Variants in LHFPL3 observed in about 807,000 individuals in gnomAD.
The protein encoded by LHFPL3 is LHFPL tetraspan subfamily member 3.
In LHFPL3, 5 loss-of-function variants were observed where a neutral mutation model predicts 19.3. The observed-to-expected ratio is 0.26, with a 90% CI of 0.14 to 0.54. The LOEUF is 0.54. LHFPL3 is among the 20% of genes least tolerant of loss of function. The pLI, the probability that LHFPL3 is intolerant of heterozygous loss-of-function variation, is 0.94. For synonymous variants in LHFPL3, 133 were observed against 126.2 expected (o/e 1.05, Z -0.36); for missense variants, 249 against 307.4 (o/e 0.81, Z 1.42).
At chr7:104,433,629 C>G (rs181212858) in intron 1 of LHFPL3, among the ~76,000 whole-genome samples, 2 of 152,262 alleles carry the variant, frequency 1.3e-5, no homozygotes, top group Admixed American at 1.3e-4. Context: ...TTGCCTTTTC[C>G]TTTCTTCTCT....
intron 1 of LHFPL3, among the ~76,000 whole-genome samples, chr7:104,519,696 T>C (rs1562923635): frequency 6.6e-6 from 1 of 152,158 alleles, no homozygotes. Flanking sequence ...GACCAGGTCA[T>C]GGCGTTAATG....
chr7:104,844,612 C>T (rs1791278791), intron 2 of LHFPL3, among the ~76,000 whole-genome samples: 1 of 152,122 alleles, frequency 6.6e-6, no homozygotes. Context: ...TTTTCCTCTC[C>T]TTTGGGTGGT....
rs374171615 is a variant in LHFPL3, at chr7:104,609,226, C to A, written c.446-127449C>A. Among the ~76,000 whole-genome samples, 33 of 151,460 alleles carry A rather than the reference C, an allele frequency of 2.2e-4. No individual in the cohort carries two copies. In the East Asian group the frequency reaches 3.7e-3, roughly 17 times the overall value. On this transcript the variant is annotated intron_variant, in intron 1 of 2. Transcript: ENST00000424859. The stretch of plus-strand genomic sequence containing the variant: ...GTTGTAGTGAGCTGAGACCGTGCCA[C>A]TACACTCCAGCCCAGGTGACAGAGC...
At chr7:104,900,496 C>T (rs956663362) in intron 2 of LHFPL3, among the ~76,000 whole-genome samples, 3 of 152,274 alleles carry the variant, frequency 2.0e-5, no homozygotes, top group East Asian at 1.9e-4. Flanking sequence ...CCCTTCTCAC[C>T]GAAGATCTGC....
rs118141590 is a variant in LHFPL3, at chr7:104,387,940, C to T, written c.445+58716C>T. Among the ~76,000 whole-genome samples, 434 of 152,298 alleles carry T rather than the reference C, an allele frequency of 2.8e-3. 14 individuals carry two copies. In the East Asian group the frequency reaches 0.076, roughly 27 times the overall value. On this transcript the variant is annotated intron_variant, in intron 1 of 2. Transcript: ENST00000424859. ...GTAGTTTTTCTATCCTCCTCCTCCTCCCACCTTCCACCCTCAAGTAGGCCC... is the reference window on the plus strand; with the variant it reads ...GTAGTTTTTCTATCCTCCTCCTCCTTCCACCTTCCACCCTCAAGTAGGCCC...
At chr7:104,830,727 T>A (rs1430205139) in intron 2 of LHFPL3, among the ~76,000 whole-genome samples, 6 of 151,936 alleles carry the variant, frequency 3.9e-5, no homozygotes. Flanking sequence ...GCTGTTTTGG[T>A]TACTGTAGCC....
In LHFPL3 at chr7:104,436,118, A is replaced by C. The variant is rs115474556; in HGVS notation, c.445+106894A>C. ...GCCCCAAGAAGCTACTGAGCATTTG[A>C]AATATGAATGTGTCACATGTTGAAA... is the stretch of plus-strand genomic sequence containing the variant. On this transcript the variant is annotated intron_variant, in intron 1 of 2. Transcript: ENST00000424859. Among the ~76,000 whole-genome samples the C allele has an allele frequency of 2.0e-3, 309 of 152,300 alleles. 1 individual carries two copies. Among genetic ancestry groups the C allele is most frequent in the African/African-American group, 7.0e-3 (291 of 41,566 alleles).
At chr7:104,372,333 T>C (rs1790632157) in intron 1 of LHFPL3, among the ~76,000 whole-genome samples, 1 of 152,216 alleles carries the variant, frequency 6.6e-6, no homozygotes, top group East Asian at 1.9e-4. Flanking sequence ...AATATATAAG[T>C]TGATTTGGGA....
intron 2 of LHFPL3, among the ~76,000 whole-genome samples, chr7:104,881,121 G>T (rs1361796552): frequency 6.9e-6 from 1 of 145,620 alleles, no homozygotes; most frequent in Non-Finnish European, 1.5e-5. Flanking sequence ...AGTGAGCCGG[G>T]ATAGCACCAC....
chr7:104,337,244 A>G (rs959977619), intron 1 of LHFPL3, among the ~76,000 whole-genome samples: 1 of 152,224 alleles, frequency 6.6e-6, no homozygotes, highest in Non-Finnish European at 1.5e-5. Context: ...TGGCAGGTAT[A>G]TGGAACAGTG....
chr7:104,348,771 G>A (rs1343465197), intron 1 of LHFPL3, among the ~76,000 whole-genome samples: 8 of 152,180 alleles, frequency 5.3e-5, no homozygotes, highest in Admixed American at 5.2e-4. Flanking sequence ...AAAAGAAAAA[G>A]ACTGAAAGAC....
intron 2 of LHFPL3, among the ~76,000 whole-genome samples, chr7:104,871,251 C>T (rs548988405): frequency 5.9e-5 from 9 of 152,276 alleles, no homozygotes; most frequent in African/African-American, 1.7e-4. Context: ...TGCTAATGTA[C>T]TGAACACTGT....
At chr7:104,421,623 T>A (rs2116534827) in intron 1 of LHFPL3, among the ~76,000 whole-genome samples, 1 of 152,198 alleles carries the variant, frequency 6.6e-6, no homozygotes, top group South Asian at 2.1e-4. Flanking sequence ...ATTACAGCTG[T>A]CAACACTGGA....
At position 104,759,882 on chromosome 7, in the gene LHFPL3, CA is replaced by C. The variant is rs1052395721; in HGVS notation, c.682+22974del. On this transcript the variant is annotated intron_variant, in intron 2 of 2. Transcript: ENST00000424859. ...GGAGAAAATCAAGGTTCAGGCATGC[CA>C]AAGACTTGCCAAGGTCACGCAGTGA... The C allele has an allele frequency of 5.1e-4, 77 of 152,304 alleles. 1 individual carries two copies. Among genetic ancestry groups the C allele is most frequent in the African/African-American group, 1.9e-3 (77 of 41,554 alleles). The allele number at this position is 152,304 out of a possible 1,614,324, so 9.4% of individuals were successfully genotyped here.
At chr7:104,761,636 CTCTT>C (rs1794373171) in intron 2 of LHFPL3, among the ~76,000 whole-genome samples, 1 of 152,142 alleles carries the variant, frequency 6.6e-6, no homozygotes, top group African/African-American at 2.4e-5. Context: ...AGAGTTCTCT[CTCTT>C]TACCGTACAG....
At chr7:104,614,493 G>A (rs957089755) in intron 1 of LHFPL3, among the ~76,000 whole-genome samples, 2 of 152,078 alleles carry the variant, frequency 1.3e-5, no homozygotes, top group Admixed American at 1.3e-4. Flanking sequence ...CTGAGTATGT[G>A]TGGAATGAGG....
chr7:104,465,448 G>T (rs1436027726), intron 1 of LHFPL3, among the ~76,000 whole-genome samples: 2 of 152,074 alleles, frequency 1.3e-5, no homozygotes, highest in African/African-American at 4.8e-5. Flanking sequence ...TACTGTATTA[G>T]TCTGTTCTTA....
chr7:104,628,981 GA>G (rs1481103013), intron 1 of LHFPL3, among the ~76,000 whole-genome samples: 1 of 152,106 alleles, frequency 6.6e-6, no homozygotes, highest in Non-Finnish European at 1.5e-5. Flanking sequence ...AAATGCCTTG[GA>G]AAAATTATTT....
At chr7:104,368,987 C>A (rs17137052) in intron 1 of LHFPL3, among the ~76,000 whole-genome samples, 5 of 152,054 alleles carry the variant, frequency 3.3e-5, no homozygotes, top group Non-Finnish European at 5.9e-5. Context: ...ATATTCACAG[C>A]GATCTTATGA....
Sources: gnomAD v4.1 joint callset for allele counts (sites outside exome capture counted in the v4.1 genomes callset) on GRCh38, gnomAD v4.1.1 for gene constraint, MANE v1.5 for transcripts, NCBI Gene and HGNC (gene_info 2026-07-23, HGNC 2026-07-21) for gene names.